RAB3GAP2: variants seen among roughly 807,000 people sequenced by gnomAD.
RAB3GAP2 encodes rab3 GTPase-activating protein non-catalytic subunit.
Under a neutral mutation model 185.3 loss-of-function variants are expected in RAB3GAP2, and 87 were observed. The observed-to-expected ratio is 0.47, with a 90% CI of 0.39 to 0.56. The LOEUF (loss-of-function observed/expected upper bound fraction) is 0.56. Among genes scored for constraint, RAB3GAP2 ranks in the 20% least tolerant of loss-of-function variants. The probability of loss-of-function intolerance (pLI) is 0.00; values close to 1 mark genes in which losing one functional copy is unlikely to be tolerated. For missense variants in RAB3GAP2, 1,492 were observed against 1,638.2 expected, an observed-to-expected ratio of 0.91 and a Z score of 1.54; for synonymous variants, 554 against 576.1, an observed-to-expected ratio of 0.96 and a Z score of 0.55.
chr1:220,269,801 C>A (rs1660301205), intron 1 of RAB3GAP2, among the ~76,000 whole-genome samples: 1 of 152,108 alleles, frequency 6.6e-6, no homozygotes, highest in African/African-American at 2.4e-5. Context: ...TACAGGAAAC[C>A]AAGAGCAAAA....
intron 31 of RAB3GAP2, 57 bp from the exon 32 acceptor site, chr1:220,154,114 G>A: frequency 1.2e-6 from 2 of 1,601,068 alleles, no homozygotes; most frequent in Non-Finnish European, 1.7e-6. Context: ...GGGGGAGAGG[G>A]AGAAAGATTT....
At chr1:220,270,369 C>G (rs555419340) in intron 1 of RAB3GAP2, among the ~76,000 whole-genome samples, 1 of 152,304 alleles carries the variant, frequency 6.6e-6, no homozygotes, top group South Asian at 2.1e-4. Flanking sequence ...TGTTAGCTCC[C>G]CAATTAACAT....
At chr1:220,171,295 T>C (rs745310274) in intron 23 of RAB3GAP2, among the ~76,000 whole-genome samples, 175 bp from the exon 24 acceptor site, 8 of 152,150 alleles carry the variant, frequency 5.3e-5, no homozygotes, top group Non-Finnish European at 7.4e-5. Flanking sequence ...CAGGAGTAGA[T>C]TGGAGACTCA....
chr1:220,175,885 T>C (rs988984680), intron 21 of RAB3GAP2, among the ~76,000 whole-genome samples: 1 of 152,198 alleles, frequency 6.6e-6, no homozygotes, highest in African/African-American at 2.4e-5. Flanking sequence ...TCTATAAACA[T>C]TAAAACTTCC....
At chr1:220,243,414 C>A (rs1659737551) in intron 1 of RAB3GAP2, among the ~76,000 whole-genome samples, 1 of 151,834 alleles carries the variant, frequency 6.6e-6, no homozygotes, top group Non-Finnish European at 1.5e-5. Context: ...AAGCATTGCT[C>A]TAAGCACAAC....
At chr1:220,269,593 A>T (rs978643031) in intron 1 of RAB3GAP2, among the ~76,000 whole-genome samples, 2 of 152,150 alleles carry the variant, frequency 1.3e-5, no homozygotes, top group African/African-American at 4.8e-5. Flanking sequence ...ATGGTGGCGC[A>T]TGCCTGTAGT....
intron 26 of RAB3GAP2, among the ~76,000 whole-genome samples, chr1:220,166,543 C>A (rs1384039136): frequency 6.6e-6 from 1 of 152,200 alleles, no homozygotes; most frequent in African/African-American, 2.4e-5. Flanking sequence ...GATTCAGTGG[C>A]CCTCTTGAGC....
chr1:220,186,441 C>T (rs575338403), intron 17 of RAB3GAP2, among the ~76,000 whole-genome samples: 3 of 152,210 alleles, frequency 2.0e-5, no homozygotes, highest in East Asian at 1.9e-4. Context: ...ATAACCTCTG[C>T]GTGTTTGTGG....
chr1:220,152,723 A>G (rs1415662758), intron 33 of RAB3GAP2, among the ~76,000 whole-genome samples: 4 of 152,136 alleles, frequency 2.6e-5, no homozygotes, highest in African/African-American at 9.7e-5. Context: ...TTAAAAATAA[A>G]TATTTTTTTC....
chr1:220,175,502 C>T (rs1370364134), intron 21 of RAB3GAP2, among the ~76,000 whole-genome samples: 1 of 152,162 alleles, frequency 6.6e-6, no homozygotes, highest in African/African-American at 2.4e-5. Flanking sequence ...CAGGCGTGAG[C>T]CACTGCGCCC....
intron 10 of RAB3GAP2, 69 bp downstream of exon 10, chr1:220,196,181 A>G: frequency 6.5e-7 from 1 of 1,528,686 alleles, no homozygotes; most frequent in Non-Finnish European, 9.1e-7. Flanking sequence ...GCAAGTTACC[A>G]TATCCAATTT....
At chr1:220,239,041 C>T (rs1659643867) in intron 1 of RAB3GAP2, among the ~76,000 whole-genome samples, 2 of 152,104 alleles carry the variant, frequency 1.3e-5, no homozygotes, top group South Asian at 2.1e-4. Flanking sequence ...CAAATCCTTC[C>T]GCATATACCC....
In RAB3GAP2 at chr1:220,256,152, A is replaced by G. The variant is rs867333606; in HGVS notation, c.115+16071T>C. 2.6e-5 allele frequency among the ~76,000 whole-genome samples: 4 copies of G among 152,250 alleles called. No individual in the cohort carries two copies. The South Asian group carries it at 8.3e-4, about 31-fold the overall frequency. On this transcript the variant is annotated intron_variant, in intron 1 of 34. Coordinates refer to ENST00000358951, the MANE Select transcript of RAB3GAP2 (RefSeq NM_012414.4). ...CAGGCCAGAATTTCATACCTGGCTA[A>G]GCTAAGCTTCATAGATGAAGGAGAA... is the stretch of plus-strand genomic sequence containing the variant.
chr1:220,190,560 C>G (rs1658596742), intron 14 of RAB3GAP2, 40 bp from the exon 15 acceptor site: 10 of 1,553,040 alleles, frequency 6.4e-6, no homozygotes, highest in Non-Finnish European at 8.0e-6. Context: ...AATATTAGAA[C>G]AAGGAGAAAT....
chr1:220,164,473 G>GTTTTTTTTTTTTTTTTTT (rs35024056), intron 27 of RAB3GAP2, among the ~76,000 whole-genome samples: 8 of 105,628 alleles, frequency 7.6e-5, no homozygotes, highest in African/African-American at 1.8e-4. Flanking sequence ...TTTTTGTTTT[G>GTTTTTTTTTTTTTTTTTT]TTTTTTTTTT....
At chr1:220,197,309 G>T (rs937763032) in intron 9 of RAB3GAP2, among the ~76,000 whole-genome samples, 1 of 151,696 alleles carries the variant, frequency 6.6e-6, no homozygotes, top group Non-Finnish European at 1.5e-5. Context: ...GTGCTGCTGT[G>T]CCTGACCTTA....
Position 220,151,098 on chromosome 1 carries a change from A to C in RAB3GAP2, c.*153T>G, listed in dbSNP as rs1657743660. The C allele has an allele frequency of 2.0e-5, 15 of 743,370 alleles. No homozygotes were observed. The highest frequency in any genetic ancestry group is 3.2e-5 in the Non-Finnish European group (15 of 468,116). 46.0% of individuals were successfully genotyped at this position (743,370 alleles called of 1,614,324 possible). On this transcript the variant is annotated 3_prime_UTR_variant, in exon 35 of 35. Coordinates refer to ENST00000358951, the MANE Select transcript of RAB3GAP2 (RefSeq NM_012414.4). Reference sequence around the variant, plus strand: ...AGGAGTGGAATTTAGCCAGGGTTGCACTTTTTAAAAGTTGTATATACTTTT... The same window carrying C: ...AGGAGTGGAATTTAGCCAGGGTTGCCCTTTTTAAAAGTTGTATATACTTTT...
intron 1 of RAB3GAP2, among the ~76,000 whole-genome samples, chr1:220,237,472 C>T (rs1024338539): frequency 3.9e-5 from 6 of 152,176 alleles, no homozygotes; most frequent in African/African-American, 9.6e-5. Context: ...ATAAAACCAG[C>T]GTTATAGTTT....
At chr1:220,212,694 T>C (rs909651681) in intron 4 of RAB3GAP2, among the ~76,000 whole-genome samples, 193 bp downstream of exon 4, 7 of 152,178 alleles carry the variant, frequency 4.6e-5, no homozygotes, top group African/African-American at 1.7e-4. Context: ...AGTCTTACTA[T>C]GTTGCCCAGG....
Sources: gnomAD v4.1 joint callset for allele counts (sites outside exome capture counted in the v4.1 genomes callset) on GRCh38, gnomAD v4.1.1 for gene constraint, MANE v1.5 for transcripts, NCBI Gene and HGNC (gene_info 2026-07-23, HGNC 2026-07-21) for gene names.